The following KIAA0319 variants were observed in gnomAD, a reference collection of about 807,000 sequenced individuals.
KIAA0319 encodes the protein KIAA0319.
KIAA0319 carries 83 observed loss-of-function variants against 108.4 expected under a neutral mutation model. The ratio of observed to expected loss-of-function variants is 0.77; its 90% CI spans 0.64 to 0.92. The LOEUF is 0.92. Ranked by LOEUF, KIAA0319 falls within the 40% of genes least tolerant of loss-of-function variation. The pLI is 0.00. For synonymous variants in KIAA0319, 484 were observed against 510.4 expected, an observed-to-expected ratio of 0.95 and a Z score of 0.70; for missense variants, 1,195 against 1,322.4, an observed-to-expected ratio of 0.90 and a Z score of 1.49.
intron 1 of KIAA0319, among the ~76,000 whole-genome samples, chr6:24,639,998 C>T (rs893700426): frequency 4.0e-5 from 6 of 151,504 alleles, no homozygotes; most frequent in African/African-American, 1.5e-4. Context: ...GGGAAACTGA[C>T]ATTAAAGTAT....
intron 1 of KIAA0319, among the ~76,000 whole-genome samples, chr6:24,628,739 C>G (rs1775075478): frequency 6.6e-6 from 1 of 152,144 alleles, no homozygotes; most frequent in Non-Finnish European, 1.5e-5. Flanking sequence ...CCCTTCCTAG[C>G]TTCTGATGGT....
intron 1 of KIAA0319, among the ~76,000 whole-genome samples, chr6:24,605,843 CTT>C (rs1333869743): frequency 1.3e-5 from 2 of 151,916 alleles, no homozygotes; most frequent in East Asian, 1.9e-4. Context: ...ATAAAATACA[CTT>C]ATAGATTTCA....
rs146672198 is a variant in KIAA0319 at position 24,643,746 on chromosome 6, T to C, written c.-106+1990A>G. 6.6e-5 allele frequency among the ~76,000 whole-genome samples: 10 copies of C among 152,340 alleles called. No homozygotes were observed. In the East Asian group the frequency reaches 1.5e-3, roughly 23 times the overall value. ...CACATCTCAAAAATAACAACACTTA[T>C]TGAAGCGTTACTATTAAAACATGCC... On this transcript the variant is annotated intron_variant, in intron 1 of 20. Coordinates refer to ENST00000378214, the MANE Select transcript of KIAA0319 (RefSeq NM_014809.4).
intron 13 of KIAA0319, 31 bp from the exon 14 acceptor site, chr6:24,566,779 G>A: frequency 6.3e-7 from 1 of 1,584,124 alleles, no homozygotes; most frequent in Non-Finnish European, 8.6e-7. Context: ...TGAAAGCAAA[G>A]AGATTGATTT....
intron 1 of KIAA0319, among the ~76,000 whole-genome samples, chr6:24,639,192 A>G (rs1375556704): frequency 6.6e-6 from 1 of 152,258 alleles, no homozygotes; most frequent in Non-Finnish European, 1.5e-5. Flanking sequence ...TCTGAGCCGG[A>G]TTAAAGTAAA....
intron 1 of KIAA0319, among the ~76,000 whole-genome samples, chr6:24,617,302 C>T (rs2745334): frequency 0.084 from 12,639 of 151,238 alleles, 586 homozygotes; most frequent in Middle Eastern, 0.11. Flanking sequence ...GATACAATGT[C>T]TATGATACAG....
chr6:24,636,048 A>G (rs57631782), intron 1 of KIAA0319, among the ~76,000 whole-genome samples: 2,249 of 152,346 alleles, frequency 0.015, 54 homozygotes, highest in African/African-American at 0.051. Context: ...CAAAGGGAAG[A>G]AAGATTGCCA....
intron 20 of KIAA0319, among the ~76,000 whole-genome samples, chr6:24,550,374 G>C (rs1761297905): frequency 6.6e-6 from 1 of 152,168 alleles, no homozygotes; most frequent in African/African-American, 2.4e-5. Context: ...TCACAACTCT[G>C]AAAAAGATTA....
Position 24,578,096 on chromosome 6 carries a change from A to C in KIAA0319, c.1505+14T>G, listed in dbSNP as rs1296801379. 6.2e-7 allele frequency: 1 copy of C among 1,605,436 alleles called. No individual in the cohort carries two copies. ...AAGTAGCAGGCAGCACAATAAAGGC[A>C]GGGACCCACTTGCCTGAAACTATAG... is the stretch of plus-strand genomic sequence containing the variant. On this transcript the variant is annotated intron_variant, in intron 9 of 20. Transcript: ENST00000378214.
intron 5 of KIAA0319, 115 bp downstream of exon 5, chr6:24,583,489 T>C: frequency 4.1e-6 from 3 of 737,600 alleles, no homozygotes; most frequent in South Asian, 3.6e-5. Flanking sequence ...CCACCTTTGT[T>C]TGTGACGTCG....
At chr6:24,556,817 C>A in intron 17 of KIAA0319, 88 bp from the exon 18 acceptor site, 2 of 1,427,986 alleles carry the variant, frequency 1.4e-6, no homozygotes, top group South Asian at 1.4e-5. Context: ...TAGCATAGGT[C>A]CCAAATAAAA....
chr6:24,632,372 C>T (rs1000504376), intron 1 of KIAA0319, among the ~76,000 whole-genome samples: 1 of 136,708 alleles, frequency 7.3e-6, no homozygotes, highest in Non-Finnish European at 1.5e-5. Context: ...TCGGTTGAAG[C>T]TCTGTGGCTC....
chr6:24,594,468 A>G lies in KIAA0319; in HGVS notation c.801+1405T>C, dbSNP rs573772138. Among the ~76,000 whole-genome samples the G allele has an allele frequency of 2.6e-5, 4 of 151,740 alleles. No homozygotes were observed. In the East Asian group the frequency reaches 7.8e-4, roughly 30 times the overall value. On this transcript the variant is annotated intron_variant, in intron 3 of 20. Coordinates refer to ENST00000378214, the MANE Select transcript of KIAA0319 (RefSeq NM_014809.4). ...TAGTGAAAACCCATCTCTACTAAAA[A>G]ATACAAAAATTAGCCGGGCATGGTG...
chr6:24,622,921 C>T lies in KIAA0319; in HGVS notation c.-105-21713G>A, dbSNP rs1360327279. ...GGACATGGTGGCAGGTGCCTGTAAT[C>T]CCAGCTACTCGGGAGGCTGAGGCAG... On this transcript the variant is annotated intron_variant, in intron 1 of 20. Coordinates refer to ENST00000378214, the MANE Select transcript of KIAA0319 (RefSeq NM_014809.4). 1.3e-5 allele frequency among the ~76,000 whole-genome samples: 2 copies of T among 152,110 alleles called. 1 individual carries two copies.
intron 11 of KIAA0319, among the ~76,000 whole-genome samples, chr6:24,571,392 A>G (rs1764707061): frequency 6.6e-6 from 1 of 151,810 alleles, no homozygotes; most frequent in Non-Finnish European, 1.5e-5. Flanking sequence ...AAAAAAAAAA[A>G]AAAGAAGTCA....
intron 1 of KIAA0319, among the ~76,000 whole-genome samples, chr6:24,639,023 A>G (rs552301499): frequency 6.6e-6 from 1 of 152,382 alleles, no homozygotes; most frequent in South Asian, 2.1e-4. Flanking sequence ...CACAAATATC[A>G]AAACATCACA....
At chr6:24,542,418 T>G (rs995966812), downstream of KIAA0319, among the ~76,000 whole-genome samples, 2 of 152,102 alleles carry the variant, frequency 1.3e-5, no homozygotes, top group Non-Finnish European at 2.9e-5. Context: ...ATTGGTTAAC[T>G]AGGCCTAAAT....
At chr6:24,558,934 T>A in intron 17 of KIAA0319, 79 bp downstream of exon 17, 1 of 1,340,934 alleles carries the variant, frequency 7.5e-7, no homozygotes, top group Non-Finnish European at 1.0e-6. Flanking sequence ...TGTTCACATG[T>A]CACTCCTCTT....
intron 1 of KIAA0319, among the ~76,000 whole-genome samples, chr6:24,613,465 C>T (rs1375585055): frequency 6.6e-6 from 1 of 152,094 alleles, no homozygotes; most frequent in African/African-American, 2.4e-5. Context: ...TTTAGAACTA[C>T]AGCTCATGTA....
Sources: gnomAD v4.1 joint callset for allele counts (sites outside exome capture counted in the v4.1 genomes callset) on GRCh38, gnomAD v4.1.1 for gene constraint, MANE v1.5 for transcripts, NCBI Gene and HGNC (gene_info 2026-07-23, HGNC 2026-07-21) for gene names.